UACA: variants seen among roughly 807,000 people sequenced by gnomAD.
The protein encoded by UACA is nuclear membrane binding protein.
Under a neutral mutation model 160.5 loss-of-function variants are expected in UACA, and 112 were observed. That is an observed-to-expected ratio of 0.70 (90% CI 0.60 to 0.82). UACA has a LOEUF of 0.82. Among genes scored for constraint, UACA ranks in the 40% least tolerant of loss-of-function variants. The pLI, the probability that UACA is intolerant of heterozygous loss-of-function variation, is 0.00. For synonymous variants in UACA, 557 were observed against 568.4 expected, an observed-to-expected ratio of 0.98 and a Z score of 0.29; for missense variants, 1,574 against 1,614.6, an observed-to-expected ratio of 0.97 and a Z score of 0.43.
At chr15:70,689,310 T>C (rs76585415) in intron 5 of UACA, among the ~76,000 whole-genome samples, 2,166 of 152,298 alleles carry the variant, frequency 0.014, 48 homozygotes, top group African/African-American at 0.05. Context: ...TCTTTTGTTA[T>C]AGCAACTTAG....
At chr15:70,758,609 T>C (rs937062021) in intron 1 of UACA, 1 of 152,210 alleles carries the variant, frequency 6.6e-6, no homozygotes, top group Non-Finnish European at 1.5e-5. Flanking sequence ...CCTTTATGCT[T>C]TCTAAACATC....
intron 1 of UACA, among the ~76,000 whole-genome samples, chr15:70,719,431 A>C (rs182745836): frequency 1.6e-4 from 25 of 152,328 alleles, no homozygotes; most frequent in Admixed American, 6.5e-4. Flanking sequence ...GCAGACTAAG[A>C]ATGTGGACCC....
At position 70,669,020 on chromosome 15, in the gene UACA, C is replaced by T; in HGVS notation, c.1664G>A (p.Gly555Asp). The change falls in exon 16 of 19, where the codon GGT becomes GAT. Residue 555 changes from glycine (G) to aspartate (D), a missense_variant. Transcript: ENST00000322954. ...QLKDLKVKYE[G>D]ASAEVGKLRN... ...TAATTTCCCCACTTCTGCTGAAGCA[C>T]CTTCATATTTTACTTTCAAGTCTTT... 6.2e-7 allele frequency: 1 copy of T among 1,613,868 alleles called. No homozygotes were observed. The highest frequency in any genetic ancestry group is 1.3e-5 in the African/African-American group (1 of 75,010).
rs1466364119 is a variant in UACA at position 70,667,004 on chromosome 15, G to T, written c.3680C>A (p.Ser1227Tyr). The T allele has an allele frequency of 1.2e-6, 2 of 1,612,868 alleles. No homozygotes were observed. The highest frequency in any genetic ancestry group is 1.7e-6 in the Non-Finnish European group (2 of 1,179,826). ...ATCACTTTTTGTTGCTTTATATTTA[G>T]ACAAGTCAACTACCTCTCTAGTCTC... ...KLETREVVDL[S>Y]KYKATKSDLE... Residue 1227 changes from serine (S) to tyrosine (Y), a missense_variant, in exon 16 of 19, where the codon TCT (serine) becomes TAT (tyrosine). Physicochemically the swap from Ser to Tyr is moderately radical, Grantham distance 144 (BLOSUM62 -2). Coordinates refer to ENST00000322954, the MANE Select transcript of UACA (RefSeq NM_018003.4).
chr15:70,776,704 C>G, the UACA span, among the ~76,000 whole-genome samples: 3 of 152,180 alleles, frequency 2.0e-5, no homozygotes, highest in Non-Finnish European at 4.4e-5. Flanking sequence ...GCTGGGATAA[C>G]AGGCGCGAGC....
intron 18 of UACA, among the ~76,000 whole-genome samples, chr15:70,659,598 T>C (rs903743022): frequency 2.0e-5 from 3 of 151,910 alleles, no homozygotes; most frequent in Non-Finnish European, 4.4e-5. Context: ...GTATCCTTTA[T>C]ATGTTAGTAA....
chr15:70,690,777 GT>G (rs1250652184), intron 4 of UACA, among the ~76,000 whole-genome samples: 7 of 151,208 alleles, frequency 4.6e-5, no homozygotes, highest in East Asian at 3.9e-4. Flanking sequence ...ATTGTTTGGG[GT>G]TTTTTTTTCC....
At position 70,703,070 on chromosome 15, in the gene UACA, T is replaced by C. The variant is rs551928879; in HGVS notation, c.79-3410A>G. 2.3e-5 allele frequency: 29 copies of C among 1,282,202 alleles called. No individual in the cohort carries two copies. The African/African-American group carries it at 3.3e-4, about 15-fold the overall frequency. The allele number at this position is 1,282,202 out of a possible 1,614,324, so 79.4% of individuals were successfully genotyped here. A position where few individuals can be genotyped will look rare whatever the true frequency, so the allele number is the denominator to read the frequency against. ...GCTAGACTATTAAAAAAATCTCCAT[T>C]TGGGGACAAAGCAGATAACTTCTCT... On this transcript the variant is annotated intron_variant, in intron 1 of 18. Transcript: ENST00000322954.
chr15:70,702,075 T>C, intron 1 of UACA: 2 of 1,369,424 alleles, frequency 1.5e-6, no homozygotes, highest in Non-Finnish European at 1.9e-6. Context: ...CGATATTTTC[T>C]TCGTCTTCAG....
chr15:70,669,178 C>A lies in UACA; in HGVS notation c.1506G>T (p.Val502=). 2 of 1,614,000 alleles carry A rather than the reference C, an allele frequency of 1.2e-6. No homozygotes were observed. The highest frequency in any genetic ancestry group is 1.7e-6 in the Non-Finnish European group (2 of 1,179,992). The stretch of plus-strand genomic sequence containing the variant: ...CTTCTGACTCATACATCCTCTTCTG[C>A]ACATCTTTTAATGCATCTTCTAATT... The part of the protein sequence containing the change: ...IKQLEDALKD[V]QKRMYESEGK... Residue 502 remains valine, a synonymous_variant, in exon 16 of 19, where the codon GTG becomes GTT. Transcript: ENST00000322954.
At chr15:70,666,209 A>G (rs1365613224) in intron 16 of UACA, among the ~76,000 whole-genome samples, 1 of 152,240 alleles carries the variant, frequency 6.6e-6, no homozygotes, top group East Asian at 1.9e-4. Flanking sequence ...ATGAATGTAT[A>G]GGATTCAACT....
chr15:70,741,165 T>G (rs570984294), intron 1 of UACA, among the ~76,000 whole-genome samples: 1 of 152,298 alleles, frequency 6.6e-6, no homozygotes, highest in South Asian at 2.1e-4. Context: ...AGCCAAAATG[T>G]GAGGCAAGAG....
In UACA at chr15:70,676,609, A is replaced by G; in HGVS notation, c.1033-18T>C. 1 of 1,580,096 alleles carries G rather than the reference A, an allele frequency of 6.3e-7. No homozygotes were observed. The highest frequency in any genetic ancestry group is 8.7e-7 in the Non-Finnish European group (1 of 1,152,950). On this transcript the variant is annotated intron_variant, in intron 12 of 18. Coordinates refer to ENST00000322954, the MANE Select transcript of UACA (RefSeq NM_018003.4). ...TTTTCTCTCTGAAATGAAACAGAAT[A>G]AATACAGTAAAATCACCCTGTGCTT...
chr15:70,656,805 T>C lies in UACA; in HGVS notation c.*251A>G, dbSNP rs1400418401. 2 of 348,986 alleles carry C rather than the reference T, an allele frequency of 5.7e-6. No individual in the cohort carries two copies. Among genetic ancestry groups the C allele is most frequent in the Non-Finnish European group, 5.2e-6 (1 of 192,792 alleles). 21.6% of individuals were successfully genotyped at this position (348,986 alleles called of 1,614,324 possible). A position where few individuals can be genotyped will look rare whatever the true frequency, so the allele number is the denominator to read the frequency against. ...TTAGGGACTTGAAGGTTTAAAAATATGTAGTCAATCCAGGGCAAAGTTATG... is the reference window on the plus strand; with the variant it reads ...TTAGGGACTTGAAGGTTTAAAAATACGTAGTCAATCCAGGGCAAAGTTATG... On this transcript the variant is annotated 3_prime_UTR_variant, in exon 19 of 19. Transcript: ENST00000322954.
At chr15:70,709,472 A>G (rs1286659270) in intron 1 of UACA, among the ~76,000 whole-genome samples, 1 of 152,250 alleles carries the variant, frequency 6.6e-6, no homozygotes, top group Non-Finnish European at 1.5e-5. Flanking sequence ...TATCAATTAG[A>G]AATTTGTAAC....
chr15:70,671,636 T>A (rs1259173384), intron 14 of UACA: 1 of 183,604 alleles, frequency 5.4e-6, no homozygotes, highest in African/African-American at 2.3e-5. Context: ...TAGAAAACTA[T>A]GTTTATGTTC....
chr15:70,778,414 G>C, the UACA span, among the ~76,000 whole-genome samples: 1 of 152,168 alleles, frequency 6.6e-6, no homozygotes. Context: ...TGTTGCCTTT[G>C]TCTGCTTCTA....
At chr15:70,739,706 G>A (rs773526164) in intron 1 of UACA, among the ~76,000 whole-genome samples, 10 of 152,076 alleles carry the variant, frequency 6.6e-5, no homozygotes, top group Non-Finnish European at 1.0e-4. Flanking sequence ...TACTCTTGAA[G>A]TCAATATAAA....
intron 12 of UACA, 23 bp downstream of exon 12, chr15:70,677,085 T>C: frequency 1.3e-6 from 2 of 1,586,274 alleles, no homozygotes; most frequent in Non-Finnish European, 1.7e-6. Flanking sequence ...ATTTTAATGG[T>C]TTAAAATAAA....
Sources: allele counts gnomAD v4.1 joint callset (sites outside exome capture counted in the v4.1 genomes callset), GRCh38; gene constraint gnomAD v4.1.1; transcripts MANE v1.5; gene names NCBI Gene and HGNC (gene_info 2026-07-23, HGNC 2026-07-21).